The following ATG10 variants were observed in gnomAD, a reference collection of about 807,000 sequenced individuals.
ATG10 encodes the protein autophagy related 10.
A neutral mutation model predicts 32.1 loss-of-function variants in ATG10; 30 were observed. The ratio of observed to expected loss-of-function variants is 0.94; its 90% CI spans 0.70 to 1.27. ATG10 has a LOEUF of 1.27. Among genes scored for constraint, ATG10 ranks in the 50% most tolerant of loss-of-function variants. The pLI is 0.00. For missense variants in ATG10, 233 were observed against 262.3 expected, an observed-to-expected ratio of 0.89 and a Z score of 0.77; for synonymous variants, 87 against 91.5, an observed-to-expected ratio of 0.95 and a Z score of 0.28.
intron 3 of ATG10, among the ~76,000 whole-genome samples, chr5:82,136,596 C>G (rs1160540779): frequency 6.6e-6 from 1 of 152,202 alleles, no homozygotes; most frequent in Non-Finnish European, 1.5e-5. Flanking sequence ...GAGAGATCCA[C>G]TGTTAGTCTG....
chr5:82,255,090 CAA>C lies in ATG10; in HGVS notation c.*1028_*1029del, dbSNP rs751199988. On this transcript the variant is annotated 3_prime_UTR_variant, in exon 8 of 8. Coordinates refer to ENST00000282185, the MANE Select transcript of ATG10 (RefSeq NM_031482.5). ...TTCTTTTTGACCTATAGTAATAAAA[CAA>C]TGGTCATTTTACCCCTCTGCTTCTC... 4 of 152,098 alleles carry C rather than the reference CAA, an allele frequency of 2.6e-5. No individual in the cohort carries two copies. Among genetic ancestry groups the C allele is most frequent in the Non-Finnish European group, 5.9e-5 (4 of 68,000 alleles). The allele number at this position is 152,098 out of a possible 1,614,324, so 9.4% of individuals were successfully genotyped here.
intron 3 of ATG10, among the ~76,000 whole-genome samples, chr5:82,067,708 GAA>G (rs1442195519): frequency 6.6e-6 from 1 of 152,134 alleles, no homozygotes; most frequent in Non-Finnish European, 1.5e-5. Context: ...AAAGCAAAAA[GAA>G]AATCTACTTT....
chr5:82,117,253 G>A (rs1765845386), intron 3 of ATG10, among the ~76,000 whole-genome samples: 1 of 152,066 alleles, frequency 6.6e-6, no homozygotes, highest in African/African-American at 2.4e-5. Context: ...ACATTATGGA[G>A]CAAAGAATTA....
intron 2 of ATG10, among the ~76,000 whole-genome samples, chr5:82,048,039 A>G (rs6879265): frequency 0.48 from 64,158 of 133,194 alleles, 15,706 homozygotes; most frequent in African/African-American, 0.57. Context: ...GATATGCGGC[A>G]TTATTTCTGA....
At chr5:82,034,010 A>G (rs1213818213) in intron 2 of ATG10, among the ~76,000 whole-genome samples, 1 of 147,992 alleles carries the variant, frequency 6.8e-6, no homozygotes, top group African/African-American at 2.5e-5. Flanking sequence ...GTATATATGT[A>G]CTATATATAT....
chr5:82,113,908 T>C (rs947207790), intron 3 of ATG10, among the ~76,000 whole-genome samples: 2 of 152,048 alleles, frequency 1.3e-5, no homozygotes, highest in African/African-American at 4.8e-5. Context: ...GTTTTGTATG[T>C]TACAAATATT....
intron 3 of ATG10, among the ~76,000 whole-genome samples, chr5:82,079,869 G>C (rs143184839): frequency 0.23 from 34,573 of 152,018 alleles, 4,173 homozygotes; most frequent in African/African-American, 0.3. Context: ...ATAATCCTTT[G>C]GGTATATACC....
intron 3 of ATG10, among the ~76,000 whole-genome samples, chr5:82,102,740 G>A (rs535999029): frequency 6.6e-6 from 1 of 152,258 alleles, no homozygotes; most frequent in South Asian, 2.1e-4. Flanking sequence ...TTCTCACAGT[G>A]TTTTTAGCTG....
At chr5:82,033,779 T>G (rs1228076945) in intron 2 of ATG10, among the ~76,000 whole-genome samples, 1 of 151,370 alleles carries the variant, frequency 6.6e-6, no homozygotes, top group Non-Finnish European at 1.5e-5. Context: ...TATATATACG[T>G]GTATGTTTGT....
chr5:82,055,554 C>T (rs998276847), intron 2 of ATG10, among the ~76,000 whole-genome samples: 6 of 152,054 alleles, frequency 3.9e-5, no homozygotes, highest in Admixed American at 3.9e-4. Context: ...GTGACCAGGG[C>T]TCAGGTATTG....
chr5:82,068,714 G>GTATA (rs1344186603), intron 3 of ATG10, among the ~76,000 whole-genome samples: 1 of 133,326 alleles, frequency 7.5e-6, no homozygotes, highest in East Asian at 2.1e-4. Flanking sequence ...TATATATCAA[G>GTATA]TATATATATA....
chr5:81,982,187 G>C (rs1017923477), intron 1 of ATG10, among the ~76,000 whole-genome samples: 1 of 152,224 alleles, frequency 6.6e-6, no homozygotes, highest in Non-Finnish European at 1.5e-5. Flanking sequence ...GCCAGGCGTG[G>C]TGGCTCACGC....
chr5:82,187,361 AT>A (rs1744489683), intron 5 of ATG10, among the ~76,000 whole-genome samples: 7 of 151,558 alleles, frequency 4.6e-5, no homozygotes, highest in African/African-American at 1.5e-4. Context: ...AAATACAAAA[AT>A]TAGCCAGGTG....
At chr5:82,029,333 A>G (rs1480586835) in intron 2 of ATG10, among the ~76,000 whole-genome samples, 2 of 151,890 alleles carry the variant, frequency 1.3e-5, no homozygotes, top group Non-Finnish European at 2.9e-5. Flanking sequence ...AAGAAAATGT[A>G]TTTAAGGTTT....
At chr5:82,097,573 A>C (rs957677786) in intron 3 of ATG10, among the ~76,000 whole-genome samples, 18 of 152,170 alleles carry the variant, frequency 1.2e-4, no homozygotes, top group African/African-American at 4.1e-4. Flanking sequence ...TTAATTTTTA[A>C]ATATATTTAA....
chr5:82,240,448 C>T (rs568940258), intron 5 of ATG10, among the ~76,000 whole-genome samples: 2 of 151,944 alleles, frequency 1.3e-5, no homozygotes, highest in Admixed American at 6.6e-5. Flanking sequence ...CTCACTCATA[C>T]GAGGAAGTTA....
chr5:82,246,933 A>G (rs1037885655), intron 5 of ATG10, among the ~76,000 whole-genome samples: 1 of 152,118 alleles, frequency 6.6e-6, no homozygotes, highest in East Asian at 1.9e-4. Context: ...CTTGGTTGAC[A>G]GTTAAGGTTT....
At chr5:82,196,285 C>A (rs1296024549) in intron 5 of ATG10, among the ~76,000 whole-genome samples, 3 of 151,926 alleles carry the variant, frequency 2.0e-5, no homozygotes, top group Non-Finnish European at 2.9e-5. Flanking sequence ...GAATACTAGA[C>A]CCTTATTGAC....
chr5:82,120,653 TTTTCTG>T (rs138012959), intron 3 of ATG10, among the ~76,000 whole-genome samples: 2,471 of 152,122 alleles, frequency 0.016, 69 homozygotes, highest in African/African-American at 0.056. Context: ...CCTTTTACTT[TTTTCTG>T]TTTTTTTTTT....
Sources: allele counts gnomAD v4.1 joint callset (sites outside exome capture counted in the v4.1 genomes callset), GRCh38; gene constraint gnomAD v4.1.1; transcripts MANE v1.5; gene names NCBI Gene and HGNC (gene_info 2026-07-23, HGNC 2026-07-21).